ARK2C: variants seen among roughly 807,000 people sequenced by gnomAD.
The protein encoded by ARK2C is arkadia (RNF111) C-terminal like ring finger ubiquitin ligase 2C.
chr18:46,336,205 A>T, the ARK2C span: 2 of 985,300 alleles, frequency 2.0e-6, no homozygotes, highest in Admixed American at 6.1e-5. Flanking sequence ...TTCAAAAATG[A>T]TTAAGAAGGA....
the ARK2C span, among the ~76,000 whole-genome samples, chr18:46,444,804 A>C: frequency 6.6e-6 from 1 of 152,028 alleles, no homozygotes; most frequent in Non-Finnish European, 1.5e-5. Flanking sequence ...TTGTGTCTTA[A>C]AGTCACTAAT....
chr18:46,388,495 G>C, the ARK2C span, among the ~76,000 whole-genome samples: 1 of 152,110 alleles, frequency 6.6e-6, no homozygotes, highest in African/African-American at 2.4e-5. Flanking sequence ...GCAGGAGATC[G>C]GGCAGCAAGA....
chr18:46,420,208 A>G, the ARK2C span, among the ~76,000 whole-genome samples: 1 of 152,196 alleles, frequency 6.6e-6, no homozygotes, highest in Non-Finnish European at 1.5e-5. Context: ...CACTCCTGAG[A>G]AAAGCCATGG....
At chr18:46,375,771 T>C in the ARK2C span, among the ~76,000 whole-genome samples, 3 of 152,060 alleles carry the variant, frequency 2.0e-5, no homozygotes, top group Admixed American at 6.5e-5. Flanking sequence ...GAGCAGCACA[T>C]AGGGCAGAAG....
the ARK2C span, among the ~76,000 whole-genome samples, chr18:46,398,634 G>A: frequency 1.3e-5 from 2 of 151,972 alleles, no homozygotes; most frequent in Non-Finnish European, 2.9e-5. Flanking sequence ...GACACCATGG[G>A]TTGGTGGGTC....
At chr18:46,351,863 A>T in the ARK2C span, among the ~76,000 whole-genome samples, 1 of 152,148 alleles carries the variant, frequency 6.6e-6, no homozygotes, top group African/African-American at 2.4e-5. Flanking sequence ...AGCCTCAGCA[A>T]ACGGTAAATC....
chr18:46,362,412 G>A, the ARK2C span, among the ~76,000 whole-genome samples: 415 of 152,352 alleles, frequency 2.7e-3, 2 homozygotes, highest in South Asian at 0.02. Flanking sequence ...CAGTGGTTGA[G>A]GGGAGAGTGT....
At chr18:46,337,226 GA>G in the ARK2C span, 1 of 985,232 alleles carries the variant, frequency 1.0e-6, no homozygotes, top group African/African-American at 1.7e-5. Context: ...AGAGAAAAAA[GA>G]AAAGAAAAGA....
At chr18:46,371,652 C>A in the ARK2C span, among the ~76,000 whole-genome samples, 2 of 152,234 alleles carry the variant, frequency 1.3e-5, no homozygotes, top group Non-Finnish European at 2.9e-5. Flanking sequence ...TGATAAGCCT[C>A]TCTGGGAAAT....
At chr18:46,410,253 C>T in the ARK2C span, among the ~76,000 whole-genome samples, 1 of 152,204 alleles carries the variant, frequency 6.6e-6, no homozygotes, top group Admixed American at 6.5e-5. Context: ...CTTCCTCTCA[C>T]CTTGGCTTTT....
the ARK2C span, among the ~76,000 whole-genome samples, chr18:46,383,142 C>T: frequency 6.6e-6 from 1 of 152,238 alleles, no homozygotes; most frequent in Non-Finnish European, 1.5e-5. Flanking sequence ...CTGGTTGGGT[C>T]AGGCAGACAT....
At chr18:46,357,259 G>A in the ARK2C span, among the ~76,000 whole-genome samples, 1 of 152,144 alleles carries the variant, frequency 6.6e-6, no homozygotes, top group Admixed American at 6.6e-5. Context: ...TGGTAACAGT[G>A]GTCAGTACCC....
chr18:46,405,187 G>A, the ARK2C span, among the ~76,000 whole-genome samples: 1 of 152,156 alleles, frequency 6.6e-6, no homozygotes, highest in Non-Finnish European at 1.5e-5. Context: ...ACACAGGGAG[G>A]TCAAGTGACT....
chr18:46,419,083 C>T, the ARK2C span, among the ~76,000 whole-genome samples: 3 of 152,148 alleles, frequency 2.0e-5, no homozygotes, highest in African/African-American at 7.2e-5. Context: ...TCTGATGTCC[C>T]CGAGTTCACC....
chr18:46,334,723 AGAGAGAGC>A, the ARK2C span: 3 of 313,616 alleles, frequency 9.6e-6, 1 homozygote, highest in Middle Eastern at 1.8e-3. This position sits in a 1 kb window ranked among gnomAD's most constrained non-coding sequence, Gnocchi z 4.4. Context: ...TGTGAGAGAG[AGAGAGAGC>A]GCGCGCGCGA....
At chr18:46,389,680 G>T in the ARK2C span, among the ~76,000 whole-genome samples, 1 of 151,878 alleles carries the variant, frequency 6.6e-6, no homozygotes, top group African/African-American at 2.4e-5. Flanking sequence ...GCCCCTACTA[G>T]ATTTTATTCA....
the ARK2C span, among the ~76,000 whole-genome samples, chr18:46,380,041 A>C: frequency 6.6e-6 from 1 of 152,212 alleles, no homozygotes; most frequent in Non-Finnish European, 1.5e-5. Flanking sequence ...ATTAGCCTCA[A>C]AGTTTCCCCA....
the ARK2C span, among the ~76,000 whole-genome samples, chr18:46,362,669 T>G: frequency 3.3e-5 from 5 of 152,244 alleles, no homozygotes; most frequent in South Asian, 8.3e-4. Context: ...AGTGAAACCT[T>G]GGGAACTTGC....
At chr18:46,396,108 T>C in the ARK2C span, among the ~76,000 whole-genome samples, 1 of 152,184 alleles carries the variant, frequency 6.6e-6, no homozygotes, top group Non-Finnish European at 1.5e-5. Context: ...AAGAGAAATA[T>C]GCAAGACCCT....
Sources: allele counts gnomAD v4.1 joint callset (sites outside exome capture counted in the v4.1 genomes callset), GRCh38; gene constraint gnomAD v4.1.1; non-coding constraint Gnocchi (gnomAD v3.1); transcripts MANE v1.5; gene names NCBI Gene and HGNC (gene_info 2026-07-23, HGNC 2026-07-21).